SLC13A1: variants seen among roughly 807,000 people sequenced by gnomAD.
The protein encoded by SLC13A1 is Na(+)/sulfate cotransporter.
In SLC13A1, 65 loss-of-function variants were observed where a neutral mutation model predicts 70.0. The ratio of observed to expected loss-of-function variants is 0.93; its 90% CI spans 0.76 to 1.14. The LOEUF is 1.14. SLC13A1 is among the 50% of genes most tolerant of loss of function. The pLI, the probability that SLC13A1 is intolerant of heterozygous loss-of-function variation, is 0.00. For missense variants in SLC13A1, 726 were observed against 717.8 expected (o/e 1.01, Z -0.13); for synonymous variants, 275 against 250.5 (o/e 1.10, Z -0.92).
chr7:123,143,735 T>C (rs940315350), intron 7 of SLC13A1, among the ~76,000 whole-genome samples: 45 of 152,256 alleles, frequency 3.0e-4, no homozygotes, highest in African/African-American at 1.1e-3. Context: ...CTTTTCTGTA[T>C]GTAGATAGAT....
intron 1 of SLC13A1, among the ~76,000 whole-genome samples, chr7:123,195,798 G>A (rs1057311373): frequency 2.0e-5 from 3 of 151,972 alleles, no homozygotes; most frequent in African/African-American, 7.2e-5. Flanking sequence ...CATCAACTAA[G>A]AAATGCTGCT....
intron 1 of SLC13A1, among the ~76,000 whole-genome samples, chr7:123,183,513 G>T (rs561237919): frequency 5.3e-5 from 8 of 152,214 alleles, no homozygotes; most frequent in African/African-American, 1.7e-4. Flanking sequence ...GTAGGAAAAA[G>T]GTTGCCTATT....
chr7:123,199,528 C>G (rs971641508), intron 1 of SLC13A1, among the ~76,000 whole-genome samples: 2 of 151,982 alleles, frequency 1.3e-5, no homozygotes, highest in African/African-American at 4.8e-5. Flanking sequence ...CATGCATGCT[C>G]CCTGGAGAAT....
At chr7:123,150,299 G>A (rs1794511350) in intron 6 of SLC13A1, among the ~76,000 whole-genome samples, 1 of 152,080 alleles carries the variant, frequency 6.6e-6, no homozygotes, top group Admixed American at 6.6e-5. Context: ...ACTGTGAAAT[G>A]TAGAAACCTA....
intron 8 of SLC13A1, among the ~76,000 whole-genome samples, chr7:123,130,012 A>G (rs1427189334): frequency 6.6e-6 from 1 of 152,168 alleles, no homozygotes; most frequent in Non-Finnish European, 1.5e-5. Flanking sequence ...CACAGTAAAT[A>G]CCTGACACAT....
At chr7:123,162,871 T>G (rs1335845179) in intron 6 of SLC13A1, among the ~76,000 whole-genome samples, 1 of 152,166 alleles carries the variant, frequency 6.6e-6, no homozygotes, top group African/African-American at 2.4e-5. Context: ...AGATGTAATT[T>G]ATTCAAGGAT....
chr7:123,141,667 T>C (rs1406264366), intron 7 of SLC13A1, among the ~76,000 whole-genome samples: 2 of 152,194 alleles, frequency 1.3e-5, no homozygotes, highest in Non-Finnish European at 2.9e-5. Flanking sequence ...GACTTCTTTA[T>C]CATTATATAG....
chr7:123,198,576 AG>A (rs1042696054), intron 1 of SLC13A1, among the ~76,000 whole-genome samples: 4 of 152,014 alleles, frequency 2.6e-5, no homozygotes, highest in African/African-American at 9.7e-5. Context: ...ATGCCACAGC[AG>A]GGGCCAGTCC....
intron 1 of SLC13A1, among the ~76,000 whole-genome samples, chr7:123,182,292 T>C (rs1005403238): frequency 5.3e-5 from 8 of 152,120 alleles, no homozygotes; most frequent in African/African-American, 1.7e-4. Context: ...TTTCTCTTAA[T>C]GAGAACACAT....
intron 2 of SLC13A1, among the ~76,000 whole-genome samples, chr7:123,172,536 T>C (rs1188246396): frequency 6.6e-6 from 1 of 152,162 alleles, no homozygotes. Flanking sequence ...ACAGAAGAAT[T>C]GCTTGAACCC....
At chr7:123,149,340 T>TA (rs1264659304) in intron 6 of SLC13A1, 6 of 371,050 alleles carry the variant, frequency 1.6e-5, no homozygotes, top group Non-Finnish European at 3.2e-5. Context: ...TTTTACTTTA[T>TA]AATTTTTCAA....
intron 13 of SLC13A1, among the ~76,000 whole-genome samples, chr7:123,118,395 C>CT (rs1563315156): frequency 6.6e-6 from 1 of 152,120 alleles, no homozygotes; most frequent in Non-Finnish European, 1.5e-5. Context: ...AACATATGCC[C>CT]TTTGAGCTTG....
At chr7:123,154,461 A>G (rs997013190) in intron 6 of SLC13A1, among the ~76,000 whole-genome samples, 11 of 152,070 alleles carry the variant, frequency 7.2e-5, no homozygotes, top group African/African-American at 2.7e-4. Context: ...GGTGGCAACG[A>G]TTGCAGATTT....
intron 7 of SLC13A1, among the ~76,000 whole-genome samples, chr7:123,136,386 C>G: frequency 6.6e-6 from 1 of 152,134 alleles, no homozygotes; most frequent in East Asian, 1.9e-4. Context: ...AACCTTTACC[C>G]TTATACCTAG....
At chr7:123,120,693 G>C (rs1246234838) in intron 12 of SLC13A1, among the ~76,000 whole-genome samples, 1 of 152,050 alleles carries the variant, frequency 6.6e-6, no homozygotes, top group Non-Finnish European at 1.5e-5. Context: ...CAGATATCAT[G>C]TGTGGTTTTG....
chr7:123,158,300 A>C (rs1265219071), intron 6 of SLC13A1, among the ~76,000 whole-genome samples: 1 of 152,094 alleles, frequency 6.6e-6, no homozygotes, highest in African/African-American at 2.4e-5. Context: ...TAAAAGTTAC[A>C]GGCAAATCTT....
chr7:123,181,026 C>T lies in SLC13A1; in HGVS notation c.175G>A (p.Ala59Thr), dbSNP rs1488786448. Residue 59 changes from alanine to threonine, a missense_variant, in exon 2 of 15, where the codon GCT (alanine) becomes ACT (threonine). Transcript: ENST00000194130. ...GGTAACATTAAACTAGGTAGCAAAG[C>T]TGTTACCGACAGAGGCAATGCTTCT... ...LTEALPLSVT[A>T]LLPSLMLPMF... The T allele has an allele frequency of 1.9e-6, 3 of 1,612,684 alleles. No individual in the cohort carries two copies. The highest frequency in any genetic ancestry group is 2.5e-6 in the Non-Finnish European group (3 of 1,179,134).
chr7:123,188,887 G>A (rs1237731031), intron 1 of SLC13A1, among the ~76,000 whole-genome samples: 2 of 151,560 alleles, frequency 1.3e-5, no homozygotes, highest in Non-Finnish European at 2.9e-5. Flanking sequence ...AGGCCGAGGC[G>A]GGCGGATCAC....
intron 14 of SLC13A1, among the ~76,000 whole-genome samples, chr7:123,116,483 C>T (rs1793185227): frequency 6.6e-6 from 1 of 152,162 alleles, no homozygotes; most frequent in African/African-American, 2.4e-5. Flanking sequence ...CTCCTGCATT[C>T]TCTGCATTAA....
Sources: allele counts gnomAD v4.1 joint callset (sites outside exome capture counted in the v4.1 genomes callset), GRCh38; gene constraint gnomAD v4.1.1; transcripts MANE v1.5; gene names NCBI Gene and HGNC (gene_info 2026-07-23, HGNC 2026-07-21).